ZNF596: variants seen among roughly 807,000 people sequenced by gnomAD.
ZNF596 encodes the protein zinc finger protein 596.
In ZNF596, 45 loss-of-function variants were observed where a neutral mutation model predicts 48.3. The observed-to-expected ratio is 0.93, with a 90% CI of 0.73 to 1.19. The LOEUF (loss-of-function observed/expected upper bound fraction) is 1.19. Ranked by LOEUF, ZNF596 falls within the 50% of genes most tolerant of loss-of-function variation. The pLI is 0.00. For missense variants in ZNF596, 848 were observed against 599.7 expected (o/e 1.41, Z -4.32); for synonymous variants, 270 against 202.0 (o/e 1.34, Z -2.85).
chr8:240,747 T>G lies in ZNF596; in HGVS notation c.-72-77T>G, dbSNP rs1354433533. On this transcript the variant is annotated intron_variant, in intron 1 of 5. Coordinates refer to ENST00000398612, the MANE Select transcript of ZNF596 (RefSeq NM_001042416.3). ...ATGTCCTTGTTGGTTGGACTGGGGC[T>G]AATAGCTTTGGGGCAGATGTTAGAA... 4 of 929,028 alleles carry G rather than the reference T, an allele frequency of 4.3e-6. No homozygotes were observed. The East Asian group carries it at 1.0e-4, about 24-fold the overall frequency. The allele number at this position is 929,028 out of a possible 1,614,324, so 57.5% of individuals were successfully genotyped here.
chr8:240,779 C>G (rs1796821279), intron 1 of ZNF596, 45 bp from the exon 2 acceptor site: 2 of 1,309,200 alleles, frequency 1.5e-6, no homozygotes, highest in Non-Finnish European at 2.2e-6. Context: ...AGAAGCAAAA[C>G]TGGAGTGTCA....
rs1303985198 is a variant in ZNF596, at chr8:247,252, T to G, written c.*890T>G. The G allele has an allele frequency of 1.3e-5, 2 of 152,178 alleles. No individual in the cohort carries two copies. The highest frequency in any genetic ancestry group is 2.9e-5 in the Non-Finnish European group (2 of 68,036). The allele number at this position is 152,178 out of a possible 1,614,324, so 9.4% of individuals were successfully genotyped here. A position where few individuals can be genotyped will look rare whatever the true frequency, so the allele number is the denominator to read the frequency against. ...GACTTTCTACTTAAAATATGTGGGT[T>G]GAAATGTACAATTCTGAAATAACCT... On this transcript the variant is annotated 3_prime_UTR_variant, in exon 6 of 6. Transcript: ENST00000398612.
At chr8:235,423 A>G (rs1358819754) in intron 1 of ZNF596, among the ~76,000 whole-genome samples, 1 of 152,160 alleles carries the variant, frequency 6.6e-6, no homozygotes, top group Non-Finnish European at 1.5e-5. Flanking sequence ...AGATACTCTT[A>G]TGTACCACAT....
chr8:246,165 A>G lies in ZNF596; in HGVS notation c.1318A>G (p.Thr440Ala), dbSNP rs1244138835. 1 of 1,614,078 alleles carries G rather than the reference A, an allele frequency of 6.2e-7. No individual in the cohort carries two copies. Among genetic ancestry groups the G allele is most frequent in the Non-Finnish European group, 8.5e-7 (1 of 1,180,036 alleles). The part of the protein sequence containing the change: ...HSSVLRRHER[T>A]HTGEKPYECN... ...TTCTGTCCTTAGACGACATGAGAGA[A>G]CTCACACTGGAGAGAAACCATATGA... Residue 440 changes from threonine (T) to alanine (A), a missense_variant, in exon 6 of 6, where the codon ACT (threonine) becomes GCT (alanine). Transcript: ENST00000398612.
At chr8:235,519 T>C (rs1017489002) in intron 1 of ZNF596, among the ~76,000 whole-genome samples, 9 of 152,224 alleles carry the variant, frequency 5.9e-5, no homozygotes, top group Non-Finnish European at 4.4e-5. Flanking sequence ...AACTCATTGT[T>C]ATTTCCAGTT....
chr8:238,708 G>A (rs994038737), intron 1 of ZNF596, among the ~76,000 whole-genome samples: 1 of 151,168 alleles, frequency 6.6e-6, no homozygotes, highest in Non-Finnish European at 1.5e-5. Context: ...TCAGGAGGCT[G>A]AGGCAGGAGA....
chr8:237,762 G>A (rs1796678347), intron 1 of ZNF596: 2 of 152,144 alleles, frequency 1.3e-5, no homozygotes, highest in Admixed American at 6.5e-5. Context: ...TATCATATTT[G>A]GTGTTTAATT....
At position 240,907 on chromosome 8, in the gene ZNF596, G is replaced by A. The variant is rs200449135; in HGVS notation, c.12G>A (p.Pro4=). MPS[P]DSMTFEDIIV... The stretch of plus-strand genomic sequence containing the variant: ...GCTGAGCTAGTACAATGCCATCACC[G>A]GTGAGTGGGAAATTCTTCTTTCTAC... The change falls in exon 2 of 6, where the codon CCG becomes CCA. Residue 4 remains proline (P), a splice_region_variant and synonymous_variant. Transcript: ENST00000398612. 27 of 1,613,924 alleles carry A rather than the reference G, an allele frequency of 1.7e-5. No homozygotes were observed. Among genetic ancestry groups the A allele is most frequent in the African/African-American group, 4.0e-5 (3 of 74,900 alleles).
Position 247,202 on chromosome 8 carries a change from G to GA in ZNF596, c.*847dup, listed in dbSNP as rs1357894271. The GA allele has an allele frequency of 6.6e-6, 1 of 151,972 alleles. No homozygotes were observed. Among genetic ancestry groups the GA allele is most frequent in the African/African-American group, 2.4e-5 (1 of 41,366 alleles). 9.4% of individuals were successfully genotyped at this position (151,972 alleles called of 1,614,324 possible). ...ATAAAGCCATCAAGCACGTGCTTGA[G>GA]AAAAAAATTATAATTTTGAATAAAG... On this transcript the variant is annotated 3_prime_UTR_variant, in exon 6 of 6. Coordinates refer to ENST00000398612, the MANE Select transcript of ZNF596 (RefSeq NM_001042416.3).
At chr8:236,953 C>T (rs893015090) in intron 1 of ZNF596, 7 of 152,160 alleles carry the variant, frequency 4.6e-5, no homozygotes, top group Admixed American at 1.3e-4. Flanking sequence ...TTCAAAATAA[C>T]TTAGGTTACA....
chr8:242,269 G>A (rs964968292), intron 2 of ZNF596, among the ~76,000 whole-genome samples: 1 of 148,122 alleles, frequency 6.8e-6, no homozygotes, highest in Non-Finnish European at 1.5e-5. Flanking sequence ...GTAGACATAA[G>A]AGGCTGCATC....
chr8:234,262 T>A (rs1181359768), intron 1 of ZNF596: 1 of 152,206 alleles, frequency 6.6e-6, no homozygotes, highest in Non-Finnish European at 1.5e-5. Flanking sequence ...CCAGTTGATA[T>A]ACCCACAGCT....
chr8:245,317 A>C lies in ZNF596; in HGVS notation c.470A>C (p.His157Pro). ...IFSDWLSFNQ[H>P]KEIHTKCKSY... ...AGTGACTGGTTATCCTTTAATCAACACAAGGAAATTCACACCAAATGTAAA... is the reference window on the plus strand; with the variant it reads ...AGTGACTGGTTATCCTTTAATCAACCCAAGGAAATTCACACCAAATGTAAA... Residue 157 changes from histidine to proline, a missense_variant, in exon 6 of 6, where the codon CAC (histidine) becomes CCC (proline). Transcript: ENST00000398612. 1 of 1,614,150 alleles carries C rather than the reference A, an allele frequency of 6.2e-7. No homozygotes were observed. The highest frequency in any genetic ancestry group is 8.5e-7 in the Non-Finnish European group (1 of 1,180,012).
At chr8:243,569 G>A (rs747758571) in intron 3 of ZNF596, 153 bp from the exon 4 acceptor site, 56 of 604,620 alleles carry the variant, frequency 9.3e-5, no homozygotes, top group Admixed American at 1.5e-4. Context: ...CATTTTGCTC[G>A]TGAAGGACTG....
rs140386327 is a variant in ZNF596 at position 243,101 on chromosome 8, G to C, written c.139+88G>C. 74 of 1,223,694 alleles carry C rather than the reference G, an allele frequency of 6.0e-5. No individual in the cohort carries two copies. In the African/African-American group the frequency reaches 1.0e-3, roughly 17 times the overall value. The allele number at this position is 1,223,694 out of a possible 1,614,324, so 75.8% of individuals were successfully genotyped here. A position where few individuals can be genotyped will look rare whatever the true frequency, so the allele number is the denominator to read the frequency against. On this transcript the variant is annotated intron_variant, in intron 3 of 5. Coordinates refer to ENST00000398612, the MANE Select transcript of ZNF596 (RefSeq NM_001042416.3). Reference sequence around the variant, plus strand: ...TGATTCATTCTTTCATTCTACACGTGCTTAGAACAGCTTTCTCATCTATCA... The same window carrying C: ...TGATTCATTCTTTCATTCTACACGTCCTTAGAACAGCTTTCTCATCTATCA...
intron 1 of ZNF596, among the ~76,000 whole-genome samples, chr8:235,121 G>A (rs547379343): frequency 6.6e-6 from 1 of 152,268 alleles, no homozygotes; most frequent in South Asian, 2.1e-4. Flanking sequence ...AATTAAGGTA[G>A]CATTTCATCC....
chr8:243,115 T>C (rs746196062), intron 3 of ZNF596, 102 bp downstream of exon 3: 2 of 1,059,148 alleles, frequency 1.9e-6, no homozygotes, highest in Non-Finnish European at 2.6e-6. Context: ...AGAACAGCTT[T>C]CTCATCTATC....
intron 3 of ZNF596, chr8:243,496 A>C (rs1391114901): frequency 2.3e-6 from 1 of 434,544 alleles, no homozygotes; most frequent in African/African-American, 2.0e-5. Context: ...TCAGTATTTG[A>C]AGTGAGGCAT....
At chr8:237,733 C>A (rs893092350) in intron 1 of ZNF596, 1 of 152,164 alleles carries the variant, frequency 6.6e-6, no homozygotes, top group Non-Finnish European at 1.5e-5. Context: ...ATGTTTTTAG[C>A]CACATACACT....
Sources: allele counts gnomAD v4.1 joint callset (sites outside exome capture counted in the v4.1 genomes callset), GRCh38; gene constraint gnomAD v4.1.1; transcripts MANE v1.5; gene names NCBI Gene and HGNC (gene_info 2026-07-23, HGNC 2026-07-21).